The following TPRA1 variants were observed in gnomAD, a reference collection of about 807,000 sequenced individuals.
The protein encoded by TPRA1 is transmembrane protein adipocyte associated 1, also known as transmembrane protein adipocyte-associated 1.
TPRA1 carries 28 observed loss-of-function variants against 40.1 expected under a neutral mutation model. The ratio of observed to expected loss-of-function variants is 0.70; its 90% CI spans 0.52 to 0.96. TPRA1 has a LOEUF of 0.96. TPRA1 is among the 40% of genes least tolerant of loss of function. TPRA1 has a pLI of 0.00. For missense variants in TPRA1, 441 were observed against 482.6 expected (o/e 0.91, Z 0.81); for synonymous variants, 219 against 209.7 (o/e 1.04, Z -0.38).
intron 1 of TPRA1, among the ~76,000 whole-genome samples, chr3:127,581,873 G>A (rs563007946): frequency 1.3e-5 from 2 of 150,326 alleles, no homozygotes; most frequent in South Asian, 4.2e-4. Context: ...AGTGAGCCGA[G>A]ATGGTGCCAC....
intron 1 of TPRA1, chr3:127,587,000 T>C (rs2074021909): frequency 6.6e-6 from 1 of 152,212 alleles, no homozygotes; most frequent in African/African-American, 2.4e-5. Context: ...TCCCAGACTC[T>C]AGACTCTCTG....
At chr3:127,578,545 C>G (rs1023494725) in intron 3 of TPRA1, among the ~76,000 whole-genome samples, 1 of 152,226 alleles carries the variant, frequency 6.6e-6, no homozygotes, top group African/African-American at 2.4e-5. Context: ...TGCACTCCCC[C>G]TTACCCCACA....
chr3:127,594,889 G>C (rs902845211), upstream of TPRA1: 1 of 152,430 alleles, frequency 6.6e-6, no homozygotes, highest in African/African-American at 2.4e-5. Context: ...ACTTGTCCTC[G>C]GCGATGTCCT....
In TPRA1 at chr3:127,573,523, A is replaced by G; in HGVS notation, c.1120T>C (p.Ter374ArgextTer78). 6.2e-7 allele frequency: 1 copy of G among 1,610,058 alleles called. No individual in the cohort carries two copies. The highest frequency in any genetic ancestry group is 8.5e-7 in the Non-Finnish European group (1 of 1,178,242). The change falls in exon 11 of 11, where the codon TGA becomes CGA. Residue 374 changes from the stop codon to arginine, a stop_lost. Transcript: ENST00000355552. ...TCCACAGGCCCTGGCAGCTGCCCTC[A>G]GGCATTGATGGCCTTCCAGCGCTCG... is the stretch of plus-strand genomic sequence containing the variant. Reference protein sequence around the residue: ...DSERWKAINA* With the variant: ...DSERWKAINAR
intron 10 of TPRA1, 50 bp downstream of exon 10, chr3:127,575,135 G>A (rs763941596): frequency 6.3e-7 from 1 of 1,583,876 alleles, no homozygotes; most frequent in South Asian, 1.1e-5. Flanking sequence ...CTGGAAGAAG[G>A]CGCAGTTCCG....
rs369115379 is a variant in TPRA1, at chr3:127,572,658, G to C, written c.*863C>G. Among the ~76,000 whole-genome samples the C allele has an allele frequency of 1.2e-4, 18 of 152,170 alleles. No individual in the cohort carries two copies. The highest frequency in any genetic ancestry group is 3.9e-4 in the East Asian group (2 of 5,192). ...GTTCATTACTGTACGCCAGCCACTC[G>C]TGCTTAGTGTTTTCCAATCCTTACA... On this transcript the variant is annotated 3_prime_UTR_variant, in exon 11 of 11. Coordinates refer to ENST00000355552, the MANE Select transcript of TPRA1 (RefSeq NM_001136053.4).
At position 127,577,181 on chromosome 3, in the gene TPRA1, T is replaced by C. The variant is rs2073670953; in HGVS notation, c.259-105A>G. On this transcript the variant is annotated intron_variant, in intron 3 of 10. Transcript: ENST00000355552. ...CTACAGGAGCCTTTGATTCCTGAGG[T>C]CGGAAAGGAGGAAGGCGCAAAGTCA... 3 of 1,222,942 alleles carry C rather than the reference T, an allele frequency of 2.5e-6. No homozygotes were observed. The African/African-American group carries it at 4.5e-5, about 18-fold the overall frequency. 75.8% of individuals were successfully genotyped at this position (1,222,942 alleles called of 1,614,324 possible). A position where few individuals can be genotyped will look rare whatever the true frequency, so the allele number is the denominator to read the frequency against.
At chr3:127,581,978 C>T (rs1229219676) in intron 1 of TPRA1, among the ~76,000 whole-genome samples, 1 of 152,028 alleles carries the variant, frequency 6.6e-6, no homozygotes, top group Non-Finnish European at 1.5e-5. Context: ...CATCAAAGGC[C>T]CAGGCCTCCC....
At chr3:127,581,644 GGCTCAT>G (rs1438853865) in intron 1 of TPRA1, among the ~76,000 whole-genome samples, 3 of 152,048 alleles carry the variant, frequency 2.0e-5, no homozygotes, top group South Asian at 2.1e-4. Context: ...CGGGCGCGGT[GGCTCAT>G]GCCTGTAATC....
At chr3:127,578,024 G>A (rs901450533) in intron 3 of TPRA1, among the ~76,000 whole-genome samples, 1 of 152,172 alleles carries the variant, frequency 6.6e-6, no homozygotes, top group Non-Finnish European at 1.5e-5. Context: ...GGCTGAGTGG[G>A]AGATGGAGAT....
At chr3:127,577,284 TC>T (rs2073674499) in intron 3 of TPRA1, among the ~76,000 whole-genome samples, 1 of 152,022 alleles carries the variant, frequency 6.6e-6, no homozygotes, top group Non-Finnish European at 1.5e-5. Flanking sequence ...GCAGGTGACT[TC>T]CAGCCTGGCC....
Position 127,580,182 on chromosome 3 carries a change from C to A in TPRA1, c.-17-19G>T. 6.2e-7 allele frequency: 1 copy of A among 1,603,784 alleles called. No homozygotes were observed. The highest frequency in any genetic ancestry group is 8.5e-7 in the Non-Finnish European group (1 of 1,177,978). On this transcript the variant is annotated intron_variant, in intron 1 of 10. Coordinates refer to ENST00000355552, the MANE Select transcript of TPRA1 (RefSeq NM_001136053.4). ...GCCAGCCCTGGGGGAGTGAGAGCCG[C>A]CCAGTGAGCTGTGTGGCCTGGGCCA...
chr3:127,583,781 C>T (rs1218714374), intron 1 of TPRA1, among the ~76,000 whole-genome samples: 1 of 152,024 alleles, frequency 6.6e-6, no homozygotes, highest in African/African-American at 2.4e-5. Flanking sequence ...AGCGATTCCC[C>T]TGCCTCAGCC....
At chr3:127,575,158 C>CG in intron 10 of TPRA1, 27 bp downstream of exon 10, 1 of 1,607,794 alleles carries the variant, frequency 6.2e-7, no homozygotes, top group Non-Finnish European at 8.5e-7. Context: ...GGCAGCCACG[C>CG]GGGGGCGCCG....
At chr3:127,574,382 C>CA (rs1559830199) in intron 10 of TPRA1, among the ~76,000 whole-genome samples, 1 of 152,224 alleles carries the variant, frequency 6.6e-6, no homozygotes, top group Non-Finnish European at 1.5e-5. Context: ...AAAGGGGGGA[C>CA]AAAACACCCA....
intron 1 of TPRA1, among the ~76,000 whole-genome samples, chr3:127,585,875 G>A (rs901415635): frequency 5.3e-5 from 8 of 152,334 alleles, no homozygotes; most frequent in Middle Eastern, 3.4e-3. Flanking sequence ...AGCCGGTGTG[G>A]AGCACTGCTC....
At chr3:127,588,184 T>C (rs558292878) in intron 1 of TPRA1, 2 of 152,406 alleles carry the variant, frequency 1.3e-5, no homozygotes, top group African/African-American at 4.8e-5. Flanking sequence ...GCACCAGGCT[T>C]GTTCTAGAGC....
At chr3:127,593,664 A>C (rs545169786), upstream of TPRA1, among the ~76,000 whole-genome samples, 107 of 152,264 alleles carry the variant, frequency 7.0e-4, 4 homozygotes, top group South Asian at 0.022. Flanking sequence ...AGACGTGTGG[A>C]GGGTATCCCC....
At position 127,576,188 on chromosome 3, in the gene TPRA1, C is replaced by T. The variant is rs1423671304; in HGVS notation, c.499-138G>A. ...CTTGGCCTGACCCTCAACTCACCTG[C>T]CCCAGTCTGCTCCCTGGCCATGTCC... On this transcript the variant is annotated intron_variant, in intron 6 of 10. Transcript: ENST00000355552. This position sits in a 1 kb window ranked among gnomAD's most constrained non-coding sequence, Gnocchi z 4.6. 3 of 686,418 alleles carry T rather than the reference C, an allele frequency of 4.4e-6. No individual in the cohort carries two copies. The highest frequency in any genetic ancestry group is 3.6e-5 in the African/African-American group (2 of 55,686). The allele number at this position is 686,418 out of a possible 1,614,324, so 42.5% of individuals were successfully genotyped here.
Sources: gnomAD v4.1 joint callset for allele counts (sites outside exome capture counted in the v4.1 genomes callset) on GRCh38, gnomAD v4.1.1 for gene constraint, Gnocchi (gnomAD v3.1) non-coding constraint, MANE v1.5 for transcripts, NCBI Gene and HGNC (gene_info 2026-07-23, HGNC 2026-07-21) for gene names.